The following TMEM184B variants were observed in gnomAD, a reference collection of about 807,000 sequenced individuals.
TMEM184B encodes the protein putative MAPK-activating protein FM08.
In TMEM184B, 17 loss-of-function variants were observed where a neutral mutation model predicts 41.8. That is an observed-to-expected ratio of 0.41 (90% confidence interval 0.28 to 0.61). TMEM184B has a LOEUF of 0.61. Among genes scored for constraint, TMEM184B ranks in the 20% least tolerant of loss-of-function variants. The pLI, the probability that TMEM184B is intolerant of heterozygous loss-of-function variation, is 0.34. For missense variants in TMEM184B, 393 were observed against 557.8 expected (o/e 0.70, Z 2.98); for synonymous variants, 240 against 229.5 (o/e 1.05, Z -0.41).
intron 1 of TMEM184B, among the ~76,000 whole-genome samples, chr22:38,261,644 G>A (rs1427870380): frequency 1.3e-5 from 2 of 152,134 alleles, no homozygotes; most frequent in African/African-American, 4.8e-5. Context: ...GAGAACAATG[G>A]ACCAACGCTC....
At chr22:38,222,571 G>C (rs1180503694) in intron 8 of TMEM184B, 2 of 984,114 alleles carry the variant, frequency 2.0e-6, no homozygotes, top group Non-Finnish European at 2.4e-6. Flanking sequence ...GAGCTACAGA[G>C]AGACGCATGC....
At chr22:38,233,518 G>GTAC (rs1358310268) in intron 3 of TMEM184B, among the ~76,000 whole-genome samples, 1 of 152,198 alleles carries the variant, frequency 6.6e-6, no homozygotes, top group Admixed American at 6.5e-5. Context: ...AGGGCTGTGT[G>GTAC]TACTGCCTGC....
At chr22:38,240,731 G>GAAAAAAAAAAAAAA (rs2091885768) in intron 3 of TMEM184B, among the ~76,000 whole-genome samples, 1 of 57,062 alleles carries the variant, frequency 1.8e-5, no homozygotes, top group African/African-American at 7.9e-5. Context: ...GGAAAAAAAG[G>GAAAAAAAAAAAAAA]CAAAAAAAAA....
chr22:38,247,602 A>AAAAC (rs958767095), intron 2 of TMEM184B, among the ~76,000 whole-genome samples, 168 bp downstream of exon 2: 6 of 152,220 alleles, frequency 3.9e-5, no homozygotes, highest in Admixed American at 1.3e-4. Context: ...TCTGTCTCAA[A>AAAAC]AAACAAACAA....
chr22:38,224,720 G>T, intron 8 of TMEM184B, 65 bp downstream of exon 8: 1 of 1,459,938 alleles, frequency 6.8e-7, no homozygotes, highest in African/African-American at 1.4e-5. Context: ...GAGGTGGGAG[G>T]GTCCTGGGAT....
chr22:38,223,145 T>TTAGA (rs1246153181), intron 8 of TMEM184B: 1 of 152,210 alleles, frequency 6.6e-6, no homozygotes, highest in Non-Finnish European at 1.5e-5. Flanking sequence ...TGGGCCTGGG[T>TTAGA]TAGAGGGTAG....
intron 8 of TMEM184B, 22 bp downstream of exon 8, chr22:38,224,763 C>G (rs1184877866): frequency 6.5e-7 from 1 of 1,548,870 alleles, no homozygotes; most frequent in Non-Finnish European, 8.7e-7. Context: ...CAGCGGGGGT[C>G]GCCTAGGACC....
chr22:38,251,896 G>GTTTTTT (rs561046707), intron 1 of TMEM184B, among the ~76,000 whole-genome samples: 6 of 141,714 alleles, frequency 4.2e-5, no homozygotes, highest in African/African-American at 1.6e-4. Context: ...AGATGATGCT[G>GTTTTTT]TTTTTTTTTT....
chr22:38,224,329 T>C (rs1357813896), intron 8 of TMEM184B, among the ~76,000 whole-genome samples: 1 of 152,170 alleles, frequency 6.6e-6, no homozygotes, highest in East Asian at 1.9e-4. Context: ...TTAGCCAGGA[T>C]GGTCTCGATC....
At chr22:38,267,249 A>G (rs376899670) in intron 1 of TMEM184B, among the ~76,000 whole-genome samples, 1 of 151,986 alleles carries the variant, frequency 6.6e-6, no homozygotes, top group South Asian at 2.1e-4. Context: ...GTTCAGCACA[A>G]AGGCTTTCTG....
downstream of TMEM184B, among the ~76,000 whole-genome samples, chr22:38,217,156 G>A (rs538552924): frequency 2.7e-5 from 4 of 147,016 alleles, no homozygotes; most frequent in South Asian, 2.2e-4. Flanking sequence ...GTGAAACCCC[G>A]TCTCTACTAA....
intron 3 of TMEM184B, among the ~76,000 whole-genome samples, chr22:38,234,987 G>C (rs1182004826): frequency 1.3e-5 from 2 of 152,240 alleles, no homozygotes; most frequent in Non-Finnish European, 2.9e-5. Flanking sequence ...ACAGTCAAGA[G>C]TCCACGGTGT....
chr22:38,247,815 G>C lies in TMEM184B; in HGVS notation c.147C>G (p.Ile49Met), dbSNP rs548131139. ...GGGCCGTCCACACGAAGAAGCCAGA[G>C]ATGGCCTGAGCGGCAGTTGTCATCA... Reference protein sequence around the residue: ...VFLMTTAAQAISGFFVWTALL... With the variant: ...VFLMTTAAQAMSGFFVWTALL... Residue 49 changes from isoleucine to methionine, a missense_variant, in exon 2 of 9, where the codon ATC (isoleucine) becomes ATG (methionine). By Grantham distance (10) the Ile-to-Met change is conservative. Transcript: ENST00000361906. 1 of 1,614,090 alleles carries C rather than the reference G, an allele frequency of 6.2e-7. No individual in the cohort carries two copies. Among genetic ancestry groups the C allele is most frequent in the East Asian group, 2.2e-5 (1 of 44,872 alleles).
At position 38,233,992 on chromosome 22, in the gene TMEM184B, C is replaced by T. The variant is rs564660703; in HGVS notation, c.359-2658G>A. Reference sequence around the variant, plus strand: ...CCATGTTGGCCAGGGTGGTCTTGAACTCCTGACCTCAGGTGATCCGCCCAC... The same window carrying T: ...CCATGTTGGCCAGGGTGGTCTTGAATTCCTGACCTCAGGTGATCCGCCCAC... On this transcript the variant is annotated intron_variant, in intron 3 of 8. Coordinates refer to ENST00000361906, the MANE Select transcript of TMEM184B (RefSeq NM_012264.5). 3.3e-3 allele frequency among the ~76,000 whole-genome samples: 494 copies of T among 149,542 alleles called. 1 individual carries two copies. Among genetic ancestry groups the T allele is most frequent in the African/African-American group, 0.012 (480 of 40,570 alleles).
intron 3 of TMEM184B, among the ~76,000 whole-genome samples, chr22:38,234,117 C>A (rs2091708771): frequency 6.6e-6 from 1 of 152,190 alleles, no homozygotes; most frequent in Admixed American, 6.5e-5. Context: ...TGACACCCCT[C>A]CTCTGAGAGG....
At chr22:38,263,086 G>A (rs1187442496) in intron 1 of TMEM184B, among the ~76,000 whole-genome samples, 1 of 152,014 alleles carries the variant, frequency 6.6e-6, no homozygotes, top group Non-Finnish European at 1.5e-5. Flanking sequence ...TATTTTTAGT[G>A]GAGATGGGGT....
chr22:38,225,393 G>A lies in TMEM184B; in HGVS notation c.787+31C>T. The A allele has an allele frequency of 6.5e-7, 1 of 1,532,412 alleles. No homozygotes were observed. The highest frequency in any genetic ancestry group is 8.7e-7 in the Non-Finnish European group (1 of 1,143,306). The allele number at this position is 1,532,412 out of a possible 1,614,324, so 94.9% of individuals were successfully genotyped here. On this transcript the variant is annotated intron_variant, in intron 7 of 8. Transcript: ENST00000361906. This position sits in a 1 kb window ranked among gnomAD's most constrained non-coding sequence, Gnocchi z 4.4. ...GAAGCGCAGAGGACAGGGTGGCATG[G>A]GCAGCCTCCAGGTGCTGGGAGGGGG... is the stretch of plus-strand genomic sequence containing the variant.
chr22:38,270,532 C>A (rs2092507155), intron 1 of TMEM184B, among the ~76,000 whole-genome samples: 1 of 152,208 alleles, frequency 6.6e-6, no homozygotes, highest in Non-Finnish European at 1.5e-5. Context: ...ATTTGTTACA[C>A]ATTGGGCTCC....
Position 38,219,909 on chromosome 22 carries a change from G to A in TMEM184B, c.*1560C>T. ...ACCCACATGCAGGCCTCTGCCACGA[G>A]GAAAGGAAGGAGGCCAGGAAGACGG... On this transcript the variant is annotated 3_prime_UTR_variant, in exon 9 of 9. Transcript: ENST00000361906. 1.0e-6 allele frequency: 1 copy of A among 985,378 alleles called. No individual in the cohort carries two copies. The highest frequency in any genetic ancestry group is 1.2e-6 in the Non-Finnish European group (1 of 829,912). The allele number at this position is 985,378 out of a possible 1,614,324, so 61.0% of individuals were successfully genotyped here.
Sources: gnomAD v4.1 joint callset for allele counts (sites outside exome capture counted in the v4.1 genomes callset) on GRCh38, gnomAD v4.1.1 for gene constraint, Gnocchi (gnomAD v3.1) non-coding constraint, MANE v1.5 for transcripts, NCBI Gene and HGNC (gene_info 2026-07-23, HGNC 2026-07-21) for gene names.